The following FSTL5 variants were observed in gnomAD, a reference collection of about 807,000 sequenced individuals.
FSTL5 encodes the protein follistatin like 5.
FSTL5 carries 62 observed loss-of-function variants against 89.1 expected under a neutral mutation model. That is an observed-to-expected ratio of 0.70 (90% CI 0.57 to 0.86). FSTL5 has a LOEUF of 0.86. Among genes scored for constraint, FSTL5 ranks in the 40% least tolerant of loss-of-function variants. The probability of loss-of-function intolerance (pLI) is 0.00; values close to 1 mark genes in which losing one functional copy is unlikely to be tolerated. For missense variants in FSTL5, 1,057 were observed against 1,001.6 expected (o/e 1.06, Z -0.75); for synonymous variants, 383 against 346.2 (o/e 1.11, Z -1.18).
chr4:161,405,233 C>CA lies in FSTL5; in HGVS notation c.1842-18785dup, dbSNP rs201674182. 8.8e-3 allele frequency among the ~76,000 whole-genome samples: 1,077 copies of CA among 122,998 alleles called. 12 individuals are homozygous for CA. Among genetic ancestry groups the CA allele is most frequent in the African/African-American group, 0.027 (926 of 34,082 alleles). 80.7% of individuals were successfully genotyped at this position (122,998 alleles called of 152,430 possible). On this transcript the variant is annotated intron_variant, in intron 15 of 15. Transcript: ENST00000306100. ...GGACAACAAGAGTGAAACTTTGTCT[C>CA]AAAAAAAAAAAAGAGAAAATATTGC... is the stretch of plus-strand genomic sequence containing the variant.
intron 3 of FSTL5, among the ~76,000 whole-genome samples, chr4:161,949,744 G>C (rs1734839852): frequency 6.7e-6 from 1 of 149,632 alleles, no homozygotes; most frequent in Admixed American, 6.7e-5. Context: ...TTGTGTTCAT[G>C]TTTCTGATAA....
chr4:162,126,314 AAAT>A (rs1419728034), intron 1 of FSTL5, among the ~76,000 whole-genome samples: 62 of 152,202 alleles, frequency 4.1e-4, no homozygotes, highest in Middle Eastern at 3.4e-3. Context: ...TTATTAATTG[AAAT>A]AATAACTTTA....
intron 15 of FSTL5, among the ~76,000 whole-genome samples, chr4:161,415,653 C>CAT (rs200742664): frequency 0.094 from 13,914 of 147,738 alleles, 820 homozygotes; most frequent in South Asian, 0.19. Flanking sequence ...ATAGGGGATA[C>CAT]ATATATATAT....
chr4:161,743,484 C>A (rs1334448413), intron 6 of FSTL5, among the ~76,000 whole-genome samples: 1 of 152,038 alleles, frequency 6.6e-6, no homozygotes, highest in Non-Finnish European at 1.5e-5. Context: ...AGAATGACAT[C>A]CCCTCCATCT....
chr4:161,614,853 T>A (rs910943137), intron 7 of FSTL5, among the ~76,000 whole-genome samples: 1 of 152,156 alleles, frequency 6.6e-6, no homozygotes, highest in African/African-American at 2.4e-5. Flanking sequence ...TTAACAACTT[T>A]TTGAAAAGGA....
At chr4:161,539,038 G>T (rs183556379) in intron 9 of FSTL5, among the ~76,000 whole-genome samples, 1 of 152,050 alleles carries the variant, frequency 6.6e-6, no homozygotes, top group Non-Finnish European at 1.5e-5. Context: ...CCTACCAAAG[G>T]GCTGGCATTA....
intron 15 of FSTL5, among the ~76,000 whole-genome samples, chr4:161,426,240 G>T (rs1451414939): frequency 2.0e-5 from 3 of 152,064 alleles, no homozygotes; most frequent in African/African-American, 7.2e-5. Context: ...TTATTGCACT[G>T]TGTGAAGAGT....
chr4:161,606,218 C>T (rs1431133648), intron 7 of FSTL5, among the ~76,000 whole-genome samples: 1 of 150,368 alleles, frequency 6.7e-6, no homozygotes, highest in East Asian at 2.0e-4. Context: ...CCCAAATTTT[C>T]CAGAGATAAT....
At chr4:162,082,342 T>A (rs191507386) in intron 2 of FSTL5, among the ~76,000 whole-genome samples, 2 of 151,736 alleles carry the variant, frequency 1.3e-5, no homozygotes, top group Non-Finnish European at 3.0e-5. Context: ...TTGCTGGTAT[T>A]TCCTATTATT....
intron 2 of FSTL5, among the ~76,000 whole-genome samples, chr4:162,046,126 T>G (rs753584630): frequency 3.3e-5 from 5 of 152,184 alleles, no homozygotes; most frequent in Non-Finnish European, 5.9e-5. Flanking sequence ...CACTCACTAT[T>G]GGAACACGGG....
rs189930314 is a variant in FSTL5 at position 161,957,652 on chromosome 4, C to T, written c.161-37000G>A. 7.2e-3 allele frequency among the ~76,000 whole-genome samples: 1,090 copies of T among 152,176 alleles called. 22 individuals carry two copies. Among genetic ancestry groups the T allele is most frequent in the Non-Finnish European group, 7.3e-3 (498 of 67,994 alleles). Reference sequence around the variant, plus strand: ...TAGACCAGCCAGACCGAGTCCTTTTCCATTAAATATCGTATTTAAGATAAA... The same window carrying T: ...TAGACCAGCCAGACCGAGTCCTTTTTCATTAAATATCGTATTTAAGATAAA... On this transcript the variant is annotated intron_variant, in intron 3 of 15. Transcript: ENST00000306100.
intron 14 of FSTL5, among the ~76,000 whole-genome samples, chr4:161,456,967 A>G (rs1733375554): frequency 6.6e-6 from 1 of 152,186 alleles, no homozygotes; most frequent in Non-Finnish European, 1.5e-5. Context: ...CTGATATGCT[A>G]GCAGCCTAAA....
At chr4:161,798,829 T>C (rs949959925) in intron 4 of FSTL5, among the ~76,000 whole-genome samples, 5 of 151,720 alleles carry the variant, frequency 3.3e-5, no homozygotes, top group Admixed American at 1.3e-4. Flanking sequence ...TTTAATAATC[T>C]GTTTTAATAA....
chr4:162,113,649 A>G (rs548756588), intron 1 of FSTL5, among the ~76,000 whole-genome samples: 2 of 152,286 alleles, frequency 1.3e-5, no homozygotes, highest in East Asian at 3.9e-4. Context: ...CTGCGACACT[A>G]AACTTCATTC....
chr4:161,525,830 T>C (rs1032050163), intron 10 of FSTL5, among the ~76,000 whole-genome samples: 1 of 152,198 alleles, frequency 6.6e-6, no homozygotes, highest in Admixed American at 6.6e-5. Context: ...TTTTGACTTT[T>C]GGTATTATAG....
intron 15 of FSTL5, among the ~76,000 whole-genome samples, chr4:161,439,917 G>T (rs181584822): frequency 6.6e-6 from 1 of 152,152 alleles, no homozygotes; most frequent in Admixed American, 6.6e-5. Context: ...AAGTGAATGG[G>T]GTCTGAGTTA....
chr4:161,718,028 A>G (rs1231473435), intron 6 of FSTL5, among the ~76,000 whole-genome samples: 1 of 152,192 alleles, frequency 6.6e-6, no homozygotes, highest in African/African-American at 2.4e-5. Context: ...CTAATATTTG[A>G]AAAGACTGCT....
At chr4:161,493,958 C>T (rs1026174165) in intron 12 of FSTL5, among the ~76,000 whole-genome samples, 1 of 152,132 alleles carries the variant, frequency 6.6e-6, no homozygotes, top group Non-Finnish European at 1.5e-5. Context: ...TTTAGGCTTA[C>T]ATATTAAAGC....
intron 2 of FSTL5, among the ~76,000 whole-genome samples, chr4:162,087,585 CACTTGTTGTAGAAATCAT>C (rs1730370671): frequency 6.6e-6 from 1 of 152,176 alleles, no homozygotes; most frequent in Non-Finnish European, 1.5e-5. Context: ...CCTCTGCCCT[CACTTGTTGTAGAAATCAT>C]GAGAGCCACT....
Sources: allele counts gnomAD v4.1 joint callset (sites outside exome capture counted in the v4.1 genomes callset), GRCh38; gene constraint gnomAD v4.1.1; transcripts MANE v1.5; gene names NCBI Gene and HGNC (gene_info 2026-07-23, HGNC 2026-07-21).